The following TBX15 variants were observed in gnomAD, a reference collection of about 807,000 sequenced individuals.
TBX15 encodes T-box transcription factor TBX15.
TBX15 carries 18 observed loss-of-function variants against 53.9 expected under a neutral mutation model. The ratio of observed to expected loss-of-function variants is 0.33; its 90% CI spans 0.23 to 0.49. TBX15 has a LOEUF of 0.49. TBX15 is among the 20% of genes least tolerant of loss of function. The pLI is 0.98. For missense variants in TBX15, 692 were observed against 749.5 expected (o/e 0.92, Z 0.90); for synonymous variants, 295 against 278.0 (o/e 1.06, Z -0.61).
At chr1:118,964,087 C>T (rs1050416733) in intron 1 of TBX15, among the ~76,000 whole-genome samples, 3 of 152,192 alleles carry the variant, frequency 2.0e-5, no homozygotes. Context: ...GAATACCTGA[C>T]CCACAGAATC....
rs959590910 is a variant in TBX15 at position 118,883,847 on chromosome 1, T to C, written c.*885A>G. 2 of 151,828 alleles carry C rather than the reference T, an allele frequency of 1.3e-5. No individual in the cohort carries two copies. Among genetic ancestry groups the C allele is most frequent in the Admixed American group, 6.6e-5 (1 of 15,180 alleles). 9.4% of individuals were successfully genotyped at this position (151,828 alleles called of 1,614,324 possible). A position where few individuals can be genotyped will look rare whatever the true frequency, so the allele number is the denominator to read the frequency against. On this transcript the variant is annotated 3_prime_UTR_variant, in exon 8 of 8. Transcript: ENST00000369429. ...ATAACCTGTAGTGGGGCGGGCGGGG[T>C]TTGGGGGGACAAACCAAAAACACGT...
At chr1:118,885,709 T>A (rs1466062399) in intron 7 of TBX15, among the ~76,000 whole-genome samples, 193 bp from the exon 8 acceptor site, 2 of 150,656 alleles carry the variant, frequency 1.3e-5, no homozygotes, top group Non-Finnish European at 2.9e-5. Flanking sequence ...AGTCATACAG[T>A]CTCTCACACA....
At position 118,899,042 on chromosome 1, in the gene TBX15, A is replaced by G. The variant is rs760132433; in HGVS notation, c.1010T>C (p.Met337Thr). The stretch of plus-strand genomic sequence containing the variant: ...CAGGGCTTTACCTTGCTGCTTCTGC[A>G]TGGTGGTGAAGTCTTCGAAGGTGAG... ...RTLTFEDFTT[M>T]QKQQGGSTGT... The change falls in exon 7 of 8, where the codon ATG becomes ACG. Residue 337 changes from methionine (M) to threonine (T), a missense_variant. Met to Thr is a moderately conservative substitution (Grantham distance 81). Transcript: ENST00000369429. The G allele has an allele frequency of 4.3e-6, 7 of 1,613,492 alleles. No homozygotes were observed. Among genetic ancestry groups the G allele is most frequent in the African/African-American group, 2.7e-5 (2 of 74,894 alleles).
Position 118,884,376 on chromosome 1 carries a change from G to T in TBX15, c.*356C>A. ...TGTATAGGTAGGTCTGTCTGTATGT[G>T]GGTGTGTATGTGTAACTTTTCATGG... On this transcript the variant is annotated 3_prime_UTR_variant, in exon 8 of 8. Transcript: ENST00000369429. 1 of 346,912 alleles carries T rather than the reference G, an allele frequency of 2.9e-6. No homozygotes were observed. The highest frequency in any genetic ancestry group is 4.4e-5 in the Admixed American group (1 of 22,494). The allele number at this position is 346,912 out of a possible 1,614,324, so 21.5% of individuals were successfully genotyped here. A position where few individuals can be genotyped will look rare whatever the true frequency, so the allele number is the denominator to read the frequency against.
At chr1:118,986,312 G>A (rs1043612262) in intron 1 of TBX15, among the ~76,000 whole-genome samples, 1 of 152,160 alleles carries the variant, frequency 6.6e-6, no homozygotes, top group Non-Finnish European at 1.5e-5. Context: ...TCAAATACAG[G>A]AAAAGGCTTG....
Position 118,934,299 on chromosome 1 carries a change from T to A in TBX15, c.206-2467A>T, listed in dbSNP as rs192125491. On this transcript the variant is annotated intron_variant, in intron 1 of 7. Coordinates refer to ENST00000369429, the MANE Select transcript of TBX15 (RefSeq NM_001330677.2). ...ACCCAGGTAACCTCAATTAGAAACA[T>A]CAAATTTAAAACTCTTTGAACAAGA... 3.9e-5 allele frequency among the ~76,000 whole-genome samples: 6 copies of A among 152,216 alleles called. No individual in the cohort carries two copies. The East Asian group carries it at 9.6e-4, about 24-fold the overall frequency.
At chr1:118,942,366 A>C (rs962645507) in intron 1 of TBX15, among the ~76,000 whole-genome samples, 8 of 152,226 alleles carry the variant, frequency 5.3e-5, no homozygotes, top group Non-Finnish European at 1.2e-4. Context: ...GTTTTCGTTG[A>C]ATGAATTAAT....
intron 5 of TBX15, among the ~76,000 whole-genome samples, chr1:118,914,899 T>A (rs1655149143): frequency 6.6e-6 from 1 of 152,212 alleles, no homozygotes; most frequent in African/African-American, 2.4e-5. Context: ...TTCATAAGGC[T>A]GACCAAGCTA....
At chr1:118,931,203 C>A (rs1255315239) in intron 2 of TBX15, among the ~76,000 whole-genome samples, 1 of 152,152 alleles carries the variant, frequency 6.6e-6, no homozygotes, top group Non-Finnish European at 1.5e-5. Flanking sequence ...CAAGTCAATT[C>A]TTTTTTAAAA....
chr1:118,905,875 T>C (rs1654801664), intron 6 of TBX15, among the ~76,000 whole-genome samples: 1 of 152,142 alleles, frequency 6.6e-6, no homozygotes, highest in African/African-American at 2.4e-5. Context: ...ACTACATGAG[T>C]CTTCAGGAGT....
rs151308620 is a variant in TBX15, at chr1:118,891,930, T to C, written c.1025-6414A>G. Among the ~76,000 whole-genome samples, 7 of 152,338 alleles carry C rather than the reference T, an allele frequency of 4.6e-5. No homozygotes were observed. In the East Asian group the frequency reaches 1.3e-3, roughly 29 times the overall value. ...TTATTTACAACAGTAAGAATCCTAA[T>C]TGATATACATCCCTAATTCTATAGG... On this transcript the variant is annotated intron_variant, in intron 7 of 7. Transcript: ENST00000369429.
chr1:118,967,814 T>A (rs1056703094), intron 1 of TBX15, among the ~76,000 whole-genome samples: 5 of 152,262 alleles, frequency 3.3e-5, no homozygotes, highest in African/African-American at 1.2e-4. Flanking sequence ...GTTGTCAGTG[T>A]TAAAACCCTG....
intron 1 of TBX15, among the ~76,000 whole-genome samples, chr1:118,979,916 C>T (rs1253388514): frequency 6.6e-6 from 1 of 152,182 alleles, no homozygotes; most frequent in Non-Finnish European, 1.5e-5. Context: ...CGAGGCCTCG[C>T]AGCCAAGCCG....
At position 118,899,023 on chromosome 1, in the gene TBX15, T is replaced by G; in HGVS notation, c.1024+5A>C. 1 of 1,613,398 alleles carries G rather than the reference T, an allele frequency of 6.2e-7. No homozygotes were observed. The highest frequency in any genetic ancestry group is 8.5e-7 in the Non-Finnish European group (1 of 1,179,612). ...CTAAGCAGAGGCCTTGCTCCAGGGC[T>G]TTACCTTGCTGCTTCTGCATGGTGG... On this transcript the variant is annotated splice_donor_5th_base_variant and intron_variant, in intron 7 of 7. Transcript: ENST00000369429.
chr1:118,903,444 C>T (rs1306997138), intron 6 of TBX15, among the ~76,000 whole-genome samples: 1 of 152,142 alleles, frequency 6.6e-6, no homozygotes, highest in East Asian at 1.9e-4. Context: ...AATTTCATGA[C>T]CCTACTTGGT....
At chr1:118,906,027 T>G (rs1654809052) in intron 6 of TBX15, among the ~76,000 whole-genome samples, 1 of 152,178 alleles carries the variant, frequency 6.6e-6, no homozygotes, top group Non-Finnish European at 1.5e-5. Flanking sequence ...TGGTGTTCAG[T>G]CTTACCATCA....
chr1:118,935,087 G>T (rs1343621447), intron 1 of TBX15, among the ~76,000 whole-genome samples: 3 of 152,068 alleles, frequency 2.0e-5, no homozygotes, highest in Non-Finnish European at 4.4e-5. Flanking sequence ...GGCCACCCGT[G>T]GGGTAAGCAA....
chr1:118,959,500 A>G (rs920181623), intron 1 of TBX15, among the ~76,000 whole-genome samples: 3 of 152,162 alleles, frequency 2.0e-5, no homozygotes, highest in African/African-American at 7.2e-5. Flanking sequence ...TGTAGCTGGA[A>G]AAAAACACAT....
chr1:118,965,922 C>T (rs1657021838), intron 1 of TBX15, among the ~76,000 whole-genome samples: 1 of 152,044 alleles, frequency 6.6e-6, no homozygotes, highest in Admixed American at 6.6e-5. Flanking sequence ...ATATATCATA[C>T]ATGTATGTGG....
Sources: gnomAD v4.1 joint callset for allele counts (sites outside exome capture counted in the v4.1 genomes callset) on GRCh38, gnomAD v4.1.1 for gene constraint, MANE v1.5 for transcripts, NCBI Gene and HGNC (gene_info 2026-07-23, HGNC 2026-07-21) for gene names.